MEF2C: variants seen among roughly 807,000 people sequenced by gnomAD.
The protein encoded by MEF2C is myocyte enhancer factor 2C.
In MEF2C, 6 loss-of-function variants were observed where a neutral mutation model predicts 50.5. That is an observed-to-expected ratio of 0.12 (90% CI 0.07 to 0.23). MEF2C has a LOEUF of 0.23. MEF2C is among the 10% of genes least tolerant of loss of function. MEF2C has a pLI of 1.00. For synonymous variants in MEF2C, 183 were observed against 228.0 expected (o/e 0.80, Z 1.78); for missense variants, 276 against 605.0 (o/e 0.46, Z 5.70).
chr5:88,864,651 G>T (rs1272722678), intron 1 of MEF2C, among the ~76,000 whole-genome samples: 1 of 151,932 alleles, frequency 6.6e-6, no homozygotes, highest in Non-Finnish European at 1.5e-5. Flanking sequence ...GAGTGCAGTG[G>T]CACTACTATA....
intron 3 of MEF2C, chr5:88,785,606 T>TAA (rs1002051545): frequency 1.3e-5 from 2 of 152,182 alleles, no homozygotes; most frequent in African/African-American, 4.8e-5. Context: ...TGAAACTCCT[T>TAA]AAAGTTTTGA....
At chr5:88,729,505 A>T (rs560962759) in intron 8 of MEF2C, 158 bp from the exon 9 acceptor site, 34 of 685,134 alleles carry the variant, frequency 5.0e-5, no homozygotes, top group Non-Finnish European at 7.7e-5. Flanking sequence ...CAACCCTATC[A>T]TTTACAATCC....
At chr5:88,869,425 C>T (rs538011632) in intron 1 of MEF2C, among the ~76,000 whole-genome samples, 100 of 150,798 alleles carry the variant, frequency 6.6e-4, no homozygotes, top group South Asian at 1.9e-3. Flanking sequence ...TTTTCCTGAA[C>T]GTTGTATTGT....
intron 1 of MEF2C, among the ~76,000 whole-genome samples, chr5:88,859,963 C>G (rs1353385803): frequency 6.6e-6 from 1 of 152,182 alleles, no homozygotes; most frequent in Non-Finnish European, 1.5e-5. Context: ...GATAAAGTTT[C>G]TTAAACCATA....
intron 3 of MEF2C, among the ~76,000 whole-genome samples, chr5:88,800,644 G>A (rs745892483): frequency 4.6e-5 from 7 of 152,188 alleles, no homozygotes; most frequent in Non-Finnish European, 8.8e-5. Context: ...AGAACGAGGA[G>A]TGGAGCTAGT....
chr5:88,903,861 A>G (rs1835910297), intron 1 of MEF2C: 1 of 151,732 alleles, frequency 6.6e-6, no homozygotes, highest in African/African-American at 2.4e-5. Flanking sequence ...CTCTTTCAAG[A>G]CAACAAAATT....
At chr5:88,858,855 C>T (rs1241928008) in intron 1 of MEF2C, among the ~76,000 whole-genome samples, 3 of 152,196 alleles carry the variant, frequency 2.0e-5, no homozygotes, top group Non-Finnish European at 4.4e-5. Context: ...TCAAACTTCA[C>T]ATTCTAATTA....
At chr5:88,813,215 A>G (rs1401018450) in intron 2 of MEF2C, among the ~76,000 whole-genome samples, 1 of 151,976 alleles carries the variant, frequency 6.6e-6, no homozygotes, top group African/African-American at 2.4e-5. Context: ...ATATTTATGG[A>G]TGTTTATTTT....
In MEF2C at chr5:88,717,627, A is replaced by C. The variant is rs976672604; in HGVS notation, c.*4977T>G. The C allele has an allele frequency of 5.3e-5, 8 of 152,212 alleles. No homozygotes were observed. The highest frequency in any genetic ancestry group is 1.0e-4 in the Non-Finnish European group (7 of 68,036). 9.4% of individuals were successfully genotyped at this position (152,212 alleles called of 1,614,324 possible). A position where few individuals can be genotyped will look rare whatever the true frequency, so the allele number is the denominator to read the frequency against. The stretch of plus-strand genomic sequence containing the variant: ...GAGCAGATATCACTACTAATGCAAA[A>C]GTCCAAGTTCTCCAGCTGGCTAACT... On this transcript the variant is annotated 3_prime_UTR_variant, in exon 11 of 11. Transcript: ENST00000504921.
rs1755398091 is a variant in MEF2C at position 88,719,004 on chromosome 5, T to C, written c.*3600A>G. On this transcript the variant is annotated 3_prime_UTR_variant, in exon 11 of 11. Coordinates refer to ENST00000504921, the MANE Select transcript of MEF2C (RefSeq NM_002397.5). ...GCCATGCTTAGGCAACAGCCTTTAT[T>C]GAGGGTTCAAGTGGCTTCTTCTTCT... is the stretch of plus-strand genomic sequence containing the variant. 1 of 152,192 alleles carries C rather than the reference T, an allele frequency of 6.6e-6. No homozygotes were observed. Among genetic ancestry groups the C allele is most frequent in the Admixed American group, 6.5e-5 (1 of 15,270 alleles). The allele number at this position is 152,192 out of a possible 1,614,324, so 9.4% of individuals were successfully genotyped here.
At chr5:88,732,959 A>G in intron 6 of MEF2C, 1 of 405,768 alleles carries the variant, frequency 2.5e-6, no homozygotes, top group Non-Finnish European at 3.3e-6. Flanking sequence ...TGCATGAGTG[A>G]GATTGTGTGC....
chr5:88,892,427 A>C (rs1444405221), intron 1 of MEF2C: 1 of 152,228 alleles, frequency 6.6e-6, no homozygotes, highest in African/African-American at 2.4e-5. Context: ...AAAAGTGACA[A>C]ACTGCGGTAA....
At chr5:88,764,047 C>T (rs1475615753) in intron 3 of MEF2C, among the ~76,000 whole-genome samples, 7 of 152,172 alleles carry the variant, frequency 4.6e-5, no homozygotes. Flanking sequence ...GCACCCAAAT[C>T]TTTTAACCAA....
At chr5:88,872,243 A>C (rs1829750857) in intron 1 of MEF2C, among the ~76,000 whole-genome samples, 1 of 152,074 alleles carries the variant, frequency 6.6e-6, no homozygotes, top group Non-Finnish European at 1.5e-5. Context: ...TACATGAAAC[A>C]TTTCCTCCAA....
chr5:88,812,584 A>G (rs1299863414), intron 2 of MEF2C, among the ~76,000 whole-genome samples: 1 of 150,948 alleles, frequency 6.6e-6, no homozygotes, highest in Non-Finnish European at 1.5e-5. Flanking sequence ...TTTTTAGATA[A>G]CAGTGTTGCT....
intron 6 of MEF2C, among the ~76,000 whole-genome samples, chr5:88,744,957 A>T: frequency 6.6e-6 from 1 of 152,252 alleles, no homozygotes; most frequent in East Asian, 1.9e-4. Flanking sequence ...GTACTCAGCC[A>T]TTTAATCAAA....
At chr5:88,872,672 G>A (rs577449978) in intron 1 of MEF2C, among the ~76,000 whole-genome samples, 3 of 151,778 alleles carry the variant, frequency 2.0e-5, no homozygotes, top group East Asian at 1.9e-4. Context: ...TCTGCATTAC[G>A]GTTTTATATG....
chr5:88,733,082 G>A (rs865914746), intron 6 of MEF2C: 12 of 985,330 alleles, frequency 1.2e-5, no homozygotes, highest in Middle Eastern at 1.0e-3. Flanking sequence ...AGGCAGCGTA[G>A]GGTGAGGTGC....
At chr5:88,822,647 T>C (rs952119278) in intron 2 of MEF2C, among the ~76,000 whole-genome samples, 2 of 151,930 alleles carry the variant, frequency 1.3e-5, no homozygotes, top group African/African-American at 4.8e-5. Context: ...ACATTACATT[T>C]AAAAAAATGA....
Sources: allele counts gnomAD v4.1 joint callset (sites outside exome capture counted in the v4.1 genomes callset), GRCh38; gene constraint gnomAD v4.1.1; transcripts MANE v1.5; gene names NCBI Gene and HGNC (gene_info 2026-07-23, HGNC 2026-07-21).